Variants in TTC28 observed in about 807,000 individuals in gnomAD.
TTC28 encodes tetratricopeptide repeat domain 28, also known as tetratricopeptide repeat protein 28.
TTC28 carries 61 observed loss-of-function variants against 198.0 expected under a neutral mutation model. That is an observed-to-expected ratio of 0.31 (90% CI 0.25 to 0.38). The LOEUF is 0.38. TTC28 is among the 10% of genes least tolerant of loss of function. The pLI is 1.00. For synonymous variants in TTC28, 1,171 were observed against 1,297.8 expected, an observed-to-expected ratio of 0.90 and a Z score of 2.10; for missense variants, 2,678 against 3,164.0, an observed-to-expected ratio of 0.85 and a Z score of 3.69.
At chr22:28,049,065 A>G (rs907427492) in intron 12 of TTC28, among the ~76,000 whole-genome samples, 3 of 152,178 alleles carry the variant, frequency 2.0e-5, no homozygotes, top group African/African-American at 4.8e-5. Flanking sequence ...CCCTGATTGC[A>G]TGGACAGGTG....
intron 2 of TTC28, among the ~76,000 whole-genome samples, chr22:28,478,025 C>T (rs1454497258): frequency 6.6e-6 from 1 of 152,158 alleles, no homozygotes; most frequent in African/African-American, 2.4e-5. Context: ...CCAGCTGACC[C>T]CTAGACTTCA....
intron 12 of TTC28, among the ~76,000 whole-genome samples, chr22:28,087,062 A>T (rs1030247700): frequency 1.3e-5 from 2 of 152,204 alleles, no homozygotes; most frequent in African/African-American, 4.8e-5. Context: ...ACGGATTCAC[A>T]GCGGAATTCT....
At chr22:28,577,595 A>ATC (rs1013268148) in intron 2 of TTC28, among the ~76,000 whole-genome samples, 14 of 151,682 alleles carry the variant, frequency 9.2e-5, no homozygotes, top group African/African-American at 2.7e-4. Context: ...CTGTATTGGG[A>ATC]TCTCTCTCTC....
chr22:28,180,485 G>A (rs987588591), intron 5 of TTC28, among the ~76,000 whole-genome samples: 23 of 152,066 alleles, frequency 1.5e-4, no homozygotes, highest in African/African-American at 5.3e-4. Context: ...AAGCGATCAC[G>A]TTTACTTCTT....
At chr22:28,296,049 T>C (rs1478282599) in intron 5 of TTC28, 149 bp downstream of exon 5, 1 of 823,348 alleles carries the variant, frequency 1.2e-6, no homozygotes, top group Non-Finnish European at 1.8e-6. Flanking sequence ...CAATTGTTGA[T>C]GAAAAACAGA....
intron 12 of TTC28, among the ~76,000 whole-genome samples, chr22:28,061,349 A>C (rs905541153): frequency 1.3e-5 from 2 of 152,168 alleles, no homozygotes; most frequent in African/African-American, 2.4e-5. Flanking sequence ...TTATGGTTTT[A>C]GGTCTAACAC....
chr22:28,163,093 T>C lies in TTC28; in HGVS notation c.1440A>G (p.Leu480=), dbSNP rs1473505179. 2 of 1,545,880 alleles carry C rather than the reference T, an allele frequency of 1.3e-6. No individual in the cohort carries two copies. The highest frequency in any genetic ancestry group is 3.9e-5 in the Admixed American group (2 of 50,782). ...RAAEGRASSN[L]GIIHQMKGDY... is the part of the protein sequence containing the mutation. ...TCTTACAGGCAACCCTGTTCTTACC[T>C]AGATTGGAGGATGCTCGCCCCTCTG... is the stretch of plus-strand genomic sequence containing the variant. The change falls in exon 6 of 23, where the codon CTA becomes CTG. Residue 480 remains leucine, a splice_region_variant and synonymous_variant. Coordinates refer to ENST00000397906, the MANE Select transcript of TTC28 (RefSeq NM_001145418.2).
Position 28,107,147 on chromosome 22 carries a change from A to C in TTC28, c.2698T>G (p.Tyr900Asp). Residue 900 changes from tyrosine to aspartate, a missense_variant, in exon 7 of 23, where the codon TAT becomes GAT. Physicochemically the swap from Tyr to Asp is radical, Grantham distance 160. Coordinates refer to ENST00000397906, the MANE Select transcript of TTC28 (RefSeq NM_001145418.2). ...LGDYEEAIKY[Y>D]EQYLSVAQSL... The stretch of plus-strand genomic sequence containing the variant: ...TGCGCGACAGATAAATATTGTTCAT[A>C]GTATTTGATAGCTTCCTCATAGTCA... 6.4e-7 allele frequency: 1 copy of C among 1,551,712 alleles called. No individual in the cohort carries two copies. The highest frequency in any genetic ancestry group is 8.7e-7 in the Non-Finnish European group (1 of 1,146,988).
chr22:28,504,002 G>A (rs2048570052), intron 2 of TTC28, among the ~76,000 whole-genome samples: 1 of 152,140 alleles, frequency 6.6e-6, no homozygotes, highest in Admixed American at 6.5e-5. Context: ...TCACAATTAC[G>A]CTTGAGTCAA....
At chr22:28,001,345 C>CG (rs1569077117) in intron 15 of TTC28, 29 bp downstream of exon 15, 1 of 1,528,334 alleles carries the variant, frequency 6.5e-7, no homozygotes, top group South Asian at 1.2e-5. Flanking sequence ...AACAAGCCCC[C>CG]GGCCCCCCAC....
At chr22:28,534,041 A>G (rs1601527990) in intron 2 of TTC28, among the ~76,000 whole-genome samples, 1 of 152,360 alleles carries the variant, frequency 6.6e-6, no homozygotes, top group East Asian at 1.9e-4. Flanking sequence ...AATGGCAACA[A>G]AAGCCAAAAT....
chr22:28,215,086 A>T (rs989627285), intron 5 of TTC28, among the ~76,000 whole-genome samples: 1 of 152,068 alleles, frequency 6.6e-6, no homozygotes, highest in African/African-American at 2.4e-5. Context: ...GAACAATGAG[A>T]ACACTTGCAC....
At chr22:28,250,276 T>C (rs1930424239) in intron 5 of TTC28, among the ~76,000 whole-genome samples, 1 of 152,242 alleles carries the variant, frequency 6.6e-6, no homozygotes, top group Non-Finnish European at 1.5e-5. Flanking sequence ...ATGACATAAA[T>C]TGAAAAGACT....
At chr22:28,439,852 T>A (rs369976766) in intron 2 of TTC28, among the ~76,000 whole-genome samples, 3,022 of 152,230 alleles carry the variant, frequency 0.02, 29 homozygotes, top group Non-Finnish European at 0.027. Context: ...TTTTTTTTTT[T>A]AAGACAGAGT....
At chr22:28,645,149 A>T (rs1003619657) in intron 1 of TTC28, among the ~76,000 whole-genome samples, 3 of 152,048 alleles carry the variant, frequency 2.0e-5, no homozygotes, top group Non-Finnish European at 2.9e-5. Flanking sequence ...TCTCAAAAAA[A>T]AAAAATGCTC....
At chr22:28,027,947 CA>C (rs1204007950) in intron 13 of TTC28, among the ~76,000 whole-genome samples, 2 of 152,238 alleles carry the variant, frequency 1.3e-5, no homozygotes, top group Non-Finnish European at 2.9e-5. Context: ...ACTGTTCTAG[CA>C]AGGATACCTT....
chr22:28,198,968 A>G (rs760669395), intron 5 of TTC28, among the ~76,000 whole-genome samples: 10 of 152,150 alleles, frequency 6.6e-5, no homozygotes, highest in Non-Finnish European at 1.5e-4. Flanking sequence ...AGAAAAAAAG[A>G]GAAAACAGGT....
At chr22:28,536,925 G>A (rs2049292276) in intron 2 of TTC28, among the ~76,000 whole-genome samples, 1 of 151,416 alleles carries the variant, frequency 6.6e-6, no homozygotes, top group Non-Finnish European at 1.5e-5. Flanking sequence ...ACTATATTAT[G>A]TATAATTTAA....
At chr22:28,306,474 C>G (rs144476099) in intron 3 of TTC28, 22 bp downstream of exon 3, 1 of 1,543,448 alleles carries the variant, frequency 6.5e-7, no homozygotes, top group East Asian at 2.5e-5. Flanking sequence ...AATGTTATAC[C>G]AAGTACTTTT....
Sources: allele counts gnomAD v4.1 joint callset (sites outside exome capture counted in the v4.1 genomes callset), GRCh38; gene constraint gnomAD v4.1.1; transcripts MANE v1.5; gene names NCBI Gene and HGNC (gene_info 2026-07-23, HGNC 2026-07-21).